The following DOCK3 variants were observed in gnomAD, a reference collection of about 807,000 sequenced individuals.
DOCK3 encodes the protein dedicator of cytokinesis protein 3.
Under a neutral mutation model 265.6 loss-of-function variants are expected in DOCK3, and 60 were observed. That is an observed-to-expected ratio of 0.23 (90% confidence interval 0.18 to 0.28). The LOEUF is 0.28. Ranked by LOEUF, DOCK3 falls within the 10% of genes least tolerant of loss-of-function variation. The probability of loss-of-function intolerance (pLI) is 1.00; values close to 1 mark genes in which losing one functional copy is unlikely to be tolerated. For synonymous variants in DOCK3, 881 were observed against 938.0 expected (o/e 0.94, Z 1.11); for missense variants, 1,981 against 2,594.3 (o/e 0.76, Z 5.14).
chr3:51,032,143 T>TGTGTGC (rs2080077482), intron 5 of DOCK3, among the ~76,000 whole-genome samples: 1 of 151,996 alleles, frequency 6.6e-6, no homozygotes. Flanking sequence ...TGTGTGTGTG[T>TGTGTGC]GTATAAGTGT....
chr3:50,859,496 G>A (rs746400129), intron 3 of DOCK3, among the ~76,000 whole-genome samples: 11 of 152,164 alleles, frequency 7.2e-5, no homozygotes, highest in South Asian at 2.1e-4. Flanking sequence ...GATTACAGGT[G>A]TGAGCCACTG....
chr3:51,032,119 CGTGTGTGT>C (rs1199409161), intron 5 of DOCK3, among the ~76,000 whole-genome samples: 3 of 148,990 alleles, frequency 2.0e-5, no homozygotes, highest in African/African-American at 7.4e-5. Context: ...CCTCCCTCCT[CGTGTGTGT>C]GTGTGTGTGT....
In DOCK3 at chr3:51,356,000, T is replaced by C. The variant is rs1321075060; in HGVS notation, c.4250-89T>C. The C allele has an allele frequency of 2.6e-6, 4 of 1,529,266 alleles. No individual in the cohort carries two copies. The African/African-American group carries it at 5.5e-5, about 21-fold the overall frequency. The allele number at this position is 1,529,266 out of a possible 1,614,324, so 94.7% of individuals were successfully genotyped here. On this transcript the variant is annotated intron_variant, in intron 41 of 52. Transcript: ENST00000266037. ...TGTCAGTAAGGAGCAGGGACTATGG[T>C]GCACTTCTCCCCTTTGAGGAGATGA... is the stretch of plus-strand genomic sequence containing the variant.
At chr3:51,257,608 C>T (rs1018332386) in intron 22 of DOCK3, among the ~76,000 whole-genome samples, 14 of 152,264 alleles carry the variant, frequency 9.2e-5, no homozygotes, top group African/African-American at 3.4e-4. Context: ...GTATCAGTTC[C>T]TTAGCAGGTA....
At chr3:51,185,913 C>A (rs947498732) in intron 12 of DOCK3, among the ~76,000 whole-genome samples, 3 of 152,092 alleles carry the variant, frequency 2.0e-5, no homozygotes, top group African/African-American at 7.2e-5. Flanking sequence ...CCAGTTAAAC[C>A]TCTTTGTTTT....
rs1032542679 is a variant in DOCK3, at chr3:51,128,927, G to C, written c.747-17622G>C. 2.6e-5 allele frequency among the ~76,000 whole-genome samples: 4 copies of C among 152,118 alleles called. No individual in the cohort carries two copies. In the South Asian group the frequency reaches 6.2e-4, roughly 24 times the overall value. ...GAGGCTGAGTGGTGTCCACAGAATG[G>C]GTCATCCTATCTACTTGATTATTAA... On this transcript the variant is annotated intron_variant, in intron 9 of 52. Coordinates refer to ENST00000266037, the MANE Select transcript of DOCK3 (RefSeq NM_004947.5).
chr3:50,959,831 C>T (rs928636457), intron 5 of DOCK3, among the ~76,000 whole-genome samples: 17 of 152,258 alleles, frequency 1.1e-4, no homozygotes, highest in African/African-American at 3.9e-4. Context: ...CTGCCCACCT[C>T]GGCCTCTCAA....
At position 51,208,777 on chromosome 3, in the gene DOCK3, C is replaced by G; in HGVS notation, c.1041C>G (p.Cys347Trp). ...AACACCTGTCCTTCTGTTACAGGTGCAACAACGAGAGTGAGTGGTCCCAGA... is the reference window on the plus strand; with the variant it reads ...AACACCTGTCCTTCTGTTACAGGTGGAACAACGAGAGTGAGTGGTCCCAGA... Reference protein sequence around the residue: ...EKDFVLKVYTCNNESEWSQIH... With the variant: ...EKDFVLKVYTWNNESEWSQIH... The change falls in exon 13 of 53, where the codon TGC (cysteine) becomes TGG (tryptophan). Residue 347 changes from cysteine to tryptophan, a missense_variant. This residue lies in a region of DOCK3 where 456 missense variants were observed against 539.0 expected (regional missense o/e 0.85). Coordinates refer to ENST00000266037, the MANE Select transcript of DOCK3 (RefSeq NM_004947.5). The G allele has an allele frequency of 6.2e-7, 1 of 1,607,802 alleles. No individual in the cohort carries two copies. Among genetic ancestry groups the G allele is most frequent in the South Asian group, 1.1e-5 (1 of 89,442 alleles).
intron 10 of DOCK3, among the ~76,000 whole-genome samples, chr3:51,153,223 C>T (rs951438981): frequency 4.6e-5 from 7 of 152,196 alleles, no homozygotes; most frequent in African/African-American, 7.2e-5. Flanking sequence ...GCCCCTTGCC[C>T]GCTACGCTGC....
intron 5 of DOCK3, among the ~76,000 whole-genome samples, chr3:51,043,010 C>T (rs1342704475): frequency 6.6e-6 from 1 of 152,166 alleles, no homozygotes; most frequent in Non-Finnish European, 1.5e-5. Context: ...ATTAAAACGG[C>T]CATACTGCCC....
At chr3:50,885,417 T>C (rs994687136) in intron 3 of DOCK3, among the ~76,000 whole-genome samples, 1 of 149,376 alleles carries the variant, frequency 6.7e-6, no homozygotes, top group African/African-American at 2.5e-5. Flanking sequence ...TTTGGGTAAA[T>C]ACCTAGGTGT....
At chr3:51,326,225 G>A (rs1262974357) in intron 32 of DOCK3, among the ~76,000 whole-genome samples, 1 of 151,392 alleles carries the variant, frequency 6.6e-6, no homozygotes, top group African/African-American at 2.4e-5. Context: ...TGGCTGGACT[G>A]TAATGTATTT....
intron 39 of DOCK3, among the ~76,000 whole-genome samples, chr3:51,349,528 A>G (rs532535560): frequency 2.6e-5 from 4 of 152,240 alleles, no homozygotes; most frequent in African/African-American, 7.2e-5. Flanking sequence ...CTCCTGTTCT[A>G]TGATCCAGAT....
chr3:51,064,067 T>C (rs1022605273), intron 5 of DOCK3, among the ~76,000 whole-genome samples: 3 of 152,180 alleles, frequency 2.0e-5, no homozygotes, highest in Admixed American at 6.5e-5. Context: ...ACCAGAGTTA[T>C]TGCTGGATGG....
chr3:51,331,897 C>T (rs2084543978), intron 33 of DOCK3, among the ~76,000 whole-genome samples: 1 of 152,214 alleles, frequency 6.6e-6, no homozygotes, highest in Non-Finnish European at 1.5e-5. Context: ...TTCCACCTGT[C>T]CTCTAGGACA....
At position 51,354,954 on chromosome 3, in the gene DOCK3, T is replaced by A; in HGVS notation, c.4180T>A (p.Phe1394Ile). The A allele has an allele frequency of 1.2e-6, 2 of 1,613,828 alleles. No individual in the cohort carries two copies. Among genetic ancestry groups the A allele is most frequent in the Non-Finnish European group, 1.7e-6 (2 of 1,179,836 alleles). Residue 1394 changes from phenylalanine to isoleucine, a missense_variant, in exon 41 of 53, where the codon TTT (phenylalanine) becomes ATT (isoleucine). Physicochemically the swap from Phe to Ile is conservative, Grantham distance 21. Around this residue, in one of 4 missense-constraint regions of DOCK3, gnomAD observed 1,357 missense variants for 1,866.8 expected, o/e 0.73. Coordinates refer to ENST00000266037, the MANE Select transcript of DOCK3 (RefSeq NM_004947.5). ...EAFQQRMLSE[F>I]PQAVAMQHPN... ...CTTCCAGCAGAGGATGCTCAGTGAGTTTCCGCAGGCTGTCGCCATGCAGCA... is the reference window on the plus strand; with the variant it reads ...CTTCCAGCAGAGGATGCTCAGTGAGATTCCGCAGGCTGTCGCCATGCAGCA...
chr3:51,035,588 C>G (rs2080235157), intron 5 of DOCK3, among the ~76,000 whole-genome samples: 2 of 152,104 alleles, frequency 1.3e-5, no homozygotes, highest in Admixed American at 1.3e-4. Flanking sequence ...CTGTCTTTTC[C>G]TCTGAGTCTG....
chr3:51,222,446 G>T (rs1221616298), intron 14 of DOCK3, among the ~76,000 whole-genome samples: 1 of 152,178 alleles, frequency 6.6e-6, no homozygotes, highest in Non-Finnish European at 1.5e-5. Context: ...CTTTCTCCTA[G>T]TTCCAAGAGA....
Position 51,275,074 on chromosome 3 carries a change from C to T in DOCK3, c.2549-5C>T. On this transcript the variant is annotated splice_region_variant and splice_polypyrimidine_tract_variant and intron_variant, in intron 24 of 52. Coordinates refer to ENST00000266037, the MANE Select transcript of DOCK3 (RefSeq NM_004947.5). Reference sequence around the variant, plus strand: ...TTTTCTTCACCTTTGTATTTTCTCTCCCAGAATCCCGCCGCATCCTGCTTC... The same window carrying T: ...TTTTCTTCACCTTTGTATTTTCTCTTCCAGAATCCCGCCGCATCCTGCTTC... 20 of 1,613,940 alleles carry T rather than the reference C, an allele frequency of 1.2e-5. No homozygotes were observed. Among genetic ancestry groups the T allele is most frequent in the Non-Finnish European group, 1.7e-5 (20 of 1,179,872 alleles).
Sources: gnomAD v4.1 joint callset for allele counts (sites outside exome capture counted in the v4.1 genomes callset) on GRCh38, gnomAD v4.1.1 for gene constraint, gnomAD v4.1.1 regional missense constraint, MANE v1.5 for transcripts, NCBI Gene and HGNC (gene_info 2026-07-23, HGNC 2026-07-21) for gene names.